GABBR2: variants seen among roughly 807,000 people sequenced by gnomAD.
GABBR2 encodes the protein gamma-aminobutyric acid type B receptor subunit 2, also known as G-protein coupled receptor 51.
GABBR2 carries 23 observed loss-of-function variants against 105.6 expected under a neutral mutation model. The ratio of observed to expected loss-of-function variants is 0.22; its 90% CI spans 0.16 to 0.31. GABBR2 has a LOEUF of 0.31. Ranked by LOEUF, GABBR2 falls within the 10% of genes least tolerant of loss-of-function variation. The pLI is 1.00. For missense variants in GABBR2, 734 were observed against 1,245.5 expected, an observed-to-expected ratio of 0.59 and a Z score of 6.18; for synonymous variants, 478 against 499.7, an observed-to-expected ratio of 0.96 and a Z score of 0.58.
chr9:98,491,108 CTTTA>C (rs1338370787), intron 4 of GABBR2, among the ~76,000 whole-genome samples: 1 of 151,644 alleles, frequency 6.6e-6, no homozygotes, highest in African/African-American at 2.4e-5. Context: ...GCTTTTCTTT[CTTTA>C]TTTCAGTGAG....
intron 13 of GABBR2, among the ~76,000 whole-genome samples, chr9:98,329,709 T>C (rs966882103): frequency 2.6e-5 from 4 of 152,144 alleles, no homozygotes; most frequent in Non-Finnish European, 5.9e-5. Context: ...TCTCTCCCAC[T>C]CTCATTTTTT....
In GABBR2 at chr9:98,453,981, C is replaced by T. The variant is rs2131603243; in HGVS notation, c.1236G>A (p.Thr412=). ...AACAGCCCAGAGGCATGGGACTGAC[C>T]GTGACCCCGAAGAAGTTGGTCTCGT... is the stretch of plus-strand genomic sequence containing the variant. ...AMNETNFFGV[T]GQVVFRNGER... Residue 412 remains threonine (T), a splice_region_variant and synonymous_variant, in exon 7 of 19, where the codon ACG becomes ACA. Coordinates refer to ENST00000259455, the MANE Select transcript of GABBR2 (RefSeq NM_005458.8). The T allele has an allele frequency of 3.1e-6, 5 of 1,607,412 alleles. No individual in the cohort carries two copies. The highest frequency in any genetic ancestry group is 1.1e-5 in the South Asian group (1 of 90,952).
At position 98,306,865 on chromosome 9, in the gene GABBR2, G is replaced by A. The variant is rs190660178; in HGVS notation, c.2005-520C>T. 7.9e-5 allele frequency among the ~76,000 whole-genome samples: 12 copies of A among 152,284 alleles called. No individual in the cohort carries two copies. Among genetic ancestry groups the A allele is most frequent in the Admixed American group, 7.2e-4 (11 of 15,302 alleles). On this transcript the variant is annotated intron_variant, in intron 14 of 18. Transcript: ENST00000259455. This position sits in a 1 kb window ranked among gnomAD's most constrained non-coding sequence, Gnocchi z 5.4. Reference sequence around the variant, plus strand: ...CCCAGAATAGCGACTACATTTTTCAGCTGCCCTAGAGGCTAGGCGTGGCAT... The same window carrying A: ...CCCAGAATAGCGACTACATTTTTCAACTGCCCTAGAGGCTAGGCGTGGCAT...
chr9:98,362,570 T>C (rs1831604773), intron 13 of GABBR2, 145 bp downstream of exon 13: 1 of 528,688 alleles, frequency 1.9e-6, no homozygotes, highest in Non-Finnish European at 3.0e-6. Context: ...CTCCCTGGAA[T>C]TACATGTCTC....
At chr9:98,387,591 T>C (rs951271852) in intron 10 of GABBR2, among the ~76,000 whole-genome samples, 7 of 152,052 alleles carry the variant, frequency 4.6e-5, no homozygotes, top group South Asian at 2.1e-4. Flanking sequence ...TTTCAGGAAA[T>C]AGGTTTGACC....
rs1832159686 is a variant in GABBR2 at position 98,390,406 on chromosome 9, A to G, written c.1379-1402T>C. On this transcript the variant is annotated intron_variant, in intron 9 of 18. Transcript: ENST00000259455. ...AAAAAAAAAAAAAAAAAAAAAATAG[A>G]GAGCGAGAAACATTCAGTGGATTAA... is the stretch of plus-strand genomic sequence containing the variant. 4.7e-5 allele frequency among the ~76,000 whole-genome samples: 7 copies of G among 148,792 alleles called. No individual in the cohort carries two copies. In the South Asian group the frequency reaches 1.5e-3, roughly 32 times the overall value.
intron 7 of GABBR2, among the ~76,000 whole-genome samples, chr9:98,449,596 G>A (rs1826197244): frequency 6.6e-6 from 1 of 152,202 alleles, no homozygotes; most frequent in Admixed American, 6.5e-5. Context: ...TTTAAATGAA[G>A]CGCCCTGGAA....
rs1233715705 is a variant in GABBR2, at chr9:98,456,530, T to A, written c.1000-2313A>T. ...CCACCTAGAATTAAGCTCCATGAGG[T>A]CGGAGATGTGATCTGTCTTGATCAC... On this transcript the variant is annotated intron_variant, in intron 6 of 18. Transcript: ENST00000259455. Among the ~76,000 whole-genome samples, 3 of 152,182 alleles carry A rather than the reference T, an allele frequency of 2.0e-5. 1 individual carries two copies. The highest frequency in any genetic ancestry group is 4.4e-5 in the Non-Finnish European group (3 of 68,028).
In GABBR2 at chr9:98,369,866, T is replaced by C. The variant is rs544773415; in HGVS notation, c.1770+1598A>G. On this transcript the variant is annotated intron_variant, in intron 12 of 18. Coordinates refer to ENST00000259455, the MANE Select transcript of GABBR2 (RefSeq NM_005458.8). ...AGATTTTTGGTAAGAGGTGTCATGG[T>C]ACCCTGGTGAGAGAAATGGGTGGAC... 2.6e-5 allele frequency among the ~76,000 whole-genome samples: 4 copies of C among 152,224 alleles called. No individual in the cohort carries two copies. The East Asian group carries it at 7.7e-4, about 29-fold the overall frequency.
chr9:98,655,427 C>T (rs1048591840), intron 1 of GABBR2, among the ~76,000 whole-genome samples: 9 of 152,068 alleles, frequency 5.9e-5, no homozygotes, highest in African/African-American at 1.9e-4. Flanking sequence ...GAAGCTAGGG[C>T]TCAGAGAACA....
At chr9:98,675,525 A>G (rs1268673643) in intron 1 of GABBR2, among the ~76,000 whole-genome samples, 1 of 152,246 alleles carries the variant, frequency 6.6e-6, no homozygotes, top group African/African-American at 2.4e-5. Flanking sequence ...GCATGAGGAC[A>G]GTTCTGGAAA....
intron 3 of GABBR2, among the ~76,000 whole-genome samples, chr9:98,537,547 C>T (rs1431576552): frequency 1.3e-5 from 2 of 152,070 alleles, no homozygotes; most frequent in African/African-American, 4.8e-5. Context: ...AACTCCTGGG[C>T]TCAAGCCTCT....
At chr9:98,371,942 C>T (rs1056267810) in intron 11 of GABBR2, among the ~76,000 whole-genome samples, 1 of 152,220 alleles carries the variant, frequency 6.6e-6, no homozygotes, top group East Asian at 1.9e-4. Flanking sequence ...CTTCCTTCTT[C>T]CTGCTGCCCA....
At chr9:98,535,815 A>G (rs1828167122) in intron 3 of GABBR2, among the ~76,000 whole-genome samples, 1 of 152,236 alleles carries the variant, frequency 6.6e-6, no homozygotes, top group Non-Finnish European at 1.5e-5. Flanking sequence ...ACTAAACGAC[A>G]TTATGGAAAA....
At chr9:98,547,816 T>C (rs1295737222) in intron 2 of GABBR2, among the ~76,000 whole-genome samples, 2 of 122,812 alleles carry the variant, frequency 1.6e-5, no homozygotes, top group South Asian at 2.7e-4. Context: ...TGGTGATACA[T>C]AGACATGTTA....
At chr9:98,310,996 G>A (rs1481192994) in intron 14 of GABBR2, 99 bp downstream of exon 14, 1 of 699,708 alleles carries the variant, frequency 1.4e-6, no homozygotes, top group Non-Finnish European at 2.6e-6. Flanking sequence ...GCTTAGTCAT[G>A]GAGGCTCTGT....
At chr9:98,561,580 G>A (rs576249165) in intron 2 of GABBR2, among the ~76,000 whole-genome samples, 1 of 152,268 alleles carries the variant, frequency 6.6e-6, no homozygotes, top group East Asian at 1.9e-4. Context: ...AAATGTAGAA[G>A]GAATATAATT....
At chr9:98,345,482 G>C (rs1159507211) in intron 13 of GABBR2, among the ~76,000 whole-genome samples, 1 of 152,096 alleles carries the variant, frequency 6.6e-6, no homozygotes, top group Non-Finnish European at 1.5e-5. Flanking sequence ...TTTAAGAAAA[G>C]AAAAGATACA....
chr9:98,610,729 C>T (rs1211186381), intron 1 of GABBR2, among the ~76,000 whole-genome samples: 4 of 151,982 alleles, frequency 2.6e-5, no homozygotes, highest in Admixed American at 2.6e-4. Flanking sequence ...TCCAGAGAGA[C>T]CCTGGCCCTG....
Sources: gnomAD v4.1 joint callset for allele counts (sites outside exome capture counted in the v4.1 genomes callset) on GRCh38, gnomAD v4.1.1 for gene constraint, Gnocchi (gnomAD v3.1) non-coding constraint, MANE v1.5 for transcripts, NCBI Gene and HGNC (gene_info 2026-07-23, HGNC 2026-07-21) for gene names.